The following HOOK1 variants were observed in gnomAD, a reference collection of about 807,000 sequenced individuals.
The protein encoded by HOOK1 is hook microtubule tethering protein 1.
Under a neutral mutation model 112.8 loss-of-function variants are expected in HOOK1, and 60 were observed. That is an observed-to-expected ratio of 0.53 (90% confidence interval 0.43 to 0.66). The LOEUF (loss-of-function observed/expected upper bound fraction) is 0.66, where lower values mean the gene tolerates loss of function less well. HOOK1 is among the 30% of genes least tolerant of loss of function. The probability of loss-of-function intolerance (pLI) is 0.00; values close to 1 mark genes in which losing one functional copy is unlikely to be tolerated. For missense variants in HOOK1, 770 were observed against 856.0 expected, an observed-to-expected ratio of 0.90 and a Z score of 1.25; for synonymous variants, 294 against 283.8, an observed-to-expected ratio of 1.04 and a Z score of -0.36.
At chr1:59,823,176 C>T (rs1418852998) in intron 2 of HOOK1, among the ~76,000 whole-genome samples, 2 of 152,054 alleles carry the variant, frequency 1.3e-5, no homozygotes, top group Non-Finnish European at 2.9e-5. Flanking sequence ...AAAAATTAGC[C>T]AGGCATGGTG....
At position 59,814,988 on chromosome 1, in the gene HOOK1, G is replaced by C. The variant is rs1008000421; in HGVS notation, c.-130G>C. 3 of 896,286 alleles carry C rather than the reference G, an allele frequency of 3.3e-6. No homozygotes were observed. Among genetic ancestry groups the C allele is most frequent in the African/African-American group, 1.7e-5 (1 of 58,654 alleles). 55.5% of individuals were successfully genotyped at this position (896,286 alleles called of 1,614,324 possible). A position where few individuals can be genotyped will look rare whatever the true frequency, so the allele number is the denominator to read the frequency against. ...GTCGACAGCGCGAGGGTTCGCGCGT[G>C]AGCTGCGCGGGTCGGGCCTGGTACC... On this transcript the variant is annotated 5_prime_UTR_variant, in exon 1 of 22. Coordinates refer to ENST00000371208, the MANE Select transcript of HOOK1 (RefSeq NM_015888.6).
At chr1:59,824,564 C>G (rs2098388472) in intron 2 of HOOK1, among the ~76,000 whole-genome samples, 1 of 152,118 alleles carries the variant, frequency 6.6e-6, no homozygotes, top group Admixed American at 6.5e-5. Context: ...GACATCGTGT[C>G]ACATCAAAAT....
At chr1:59,844,737 G>A (rs1008928715) in intron 9 of HOOK1, among the ~76,000 whole-genome samples, 6 of 151,694 alleles carry the variant, frequency 4.0e-5, no homozygotes, top group Non-Finnish European at 2.9e-5. Context: ...AATTTCACTC[G>A]GCAGTGCTGT....
chr1:59,871,566 TC>T, intron 21 of HOOK1, among the ~76,000 whole-genome samples: 1 of 152,280 alleles, frequency 6.6e-6, no homozygotes. Context: ...ATTTTTTTTA[TC>T]CAGGGGTTAC....
intron 12 of HOOK1, among the ~76,000 whole-genome samples, chr1:59,850,492 T>G (rs1029636099): frequency 1.3e-5 from 2 of 151,560 alleles, no homozygotes; most frequent in African/African-American, 2.4e-5. Context: ...TTTAAACAGT[T>G]TTATGGTTTT....
Position 59,846,423 on chromosome 1 carries a change from C to T in HOOK1, c.789-622C>T, listed in dbSNP as rs922227720. ...TTTAGATTTCTTTCTTTATACTTAA[C>T]TTTGGATTTAAATTTCTCTCCTTTT... On this transcript the variant is annotated intron_variant, in intron 9 of 21. Coordinates refer to ENST00000371208, the MANE Select transcript of HOOK1 (RefSeq NM_015888.6). Among the ~76,000 whole-genome samples, 3 of 151,662 alleles carry T rather than the reference C, an allele frequency of 2.0e-5. No individual in the cohort carries two copies. The South Asian group carries it at 6.2e-4, about 32-fold the overall frequency.
intron 1 of HOOK1, among the ~76,000 whole-genome samples, chr1:59,820,626 T>C (rs2098384927): frequency 6.6e-6 from 1 of 152,230 alleles, no homozygotes; most frequent in African/African-American, 2.4e-5. Context: ...TCAGAAATCA[T>C]CTCCGAGAAG....
rs546823245 is a variant in HOOK1 at position 59,867,755 on chromosome 1, A to G, written c.1846-495A>G. Among the ~76,000 whole-genome samples the G allele has an allele frequency of 1.7e-4, 26 of 152,284 alleles. No homozygotes were observed. The South Asian group carries it at 2.3e-3, about 13-fold the overall frequency. The stretch of plus-strand genomic sequence containing the variant: ...GCAAATAAAATCACCAGCATTTATT[A>G]TATTGATCTTATATATTGAATTACA... On this transcript the variant is annotated intron_variant, in intron 19 of 21. Coordinates refer to ENST00000371208, the MANE Select transcript of HOOK1 (RefSeq NM_015888.6).
chr1:59,864,879 A>G lies in HOOK1; in HGVS notation c.1661+213A>G, dbSNP rs1352716819. The G allele has an allele frequency of 2.4e-5, 13 of 546,574 alleles. No homozygotes were observed. In the East Asian group the frequency reaches 3.9e-4, roughly 16 times the overall value. The allele number at this position is 546,574 out of a possible 1,614,324, so 33.9% of individuals were successfully genotyped here. A position where few individuals can be genotyped will look rare whatever the true frequency, so the allele number is the denominator to read the frequency against. ...ATCTTTCCATTGTTAATATCATTTG[A>G]AAAGTTTAAAAAAACAGATTAACTA... On this transcript the variant is annotated intron_variant, in intron 17 of 21. Coordinates refer to ENST00000371208, the MANE Select transcript of HOOK1 (RefSeq NM_015888.6).
At chr1:59,839,080 A>G (rs1253282271) in intron 7 of HOOK1, among the ~76,000 whole-genome samples, 1 of 152,172 alleles carries the variant, frequency 6.6e-6, no homozygotes, top group South Asian at 2.1e-4. Context: ...TACCAGTACC[A>G]TGCTGTTTTT....
chr1:59,841,048 G>A (rs2098400786), intron 8 of HOOK1, among the ~76,000 whole-genome samples: 1 of 152,100 alleles, frequency 6.6e-6, no homozygotes, highest in East Asian at 1.9e-4. Flanking sequence ...GAGAAATGGA[G>A]TGATGATAGC....
At chr1:59,843,841 C>T (rs922010716) in intron 9 of HOOK1, among the ~76,000 whole-genome samples, 1 of 151,950 alleles carries the variant, frequency 6.6e-6, no homozygotes, top group Non-Finnish European at 1.5e-5. Context: ...AAATCAAGGC[C>T]ATAGGACAGC....
intron 12 of HOOK1, among the ~76,000 whole-genome samples, chr1:59,852,371 T>C (rs1397645502): frequency 6.6e-6 from 1 of 151,850 alleles, no homozygotes; most frequent in Non-Finnish European, 1.5e-5. Flanking sequence ...CTAGTGTTAC[T>C]AGTTTGTTTC....
At chr1:59,820,956 G>C (rs182394049) in intron 1 of HOOK1, among the ~76,000 whole-genome samples, 24 of 152,316 alleles carry the variant, frequency 1.6e-4, no homozygotes, top group Admixed American at 5.2e-4. Context: ...TGAATCTCCA[G>C]TTGCCAACTC....
intron 12 of HOOK1, among the ~76,000 whole-genome samples, chr1:59,852,991 C>T (rs1196278160): frequency 6.6e-6 from 1 of 151,908 alleles, no homozygotes. Flanking sequence ...AGAGGACATA[C>T]TTTGTGTGCA....
At chr1:59,861,326 T>G (rs1038891840) in intron 15 of HOOK1, among the ~76,000 whole-genome samples, 4 of 152,212 alleles carry the variant, frequency 2.6e-5, no homozygotes, top group African/African-American at 9.6e-5. Flanking sequence ...AGATAAGATC[T>G]AGATTGTGGA....
chr1:59,854,193 A>T (rs2098409300), intron 12 of HOOK1, among the ~76,000 whole-genome samples: 2 of 150,610 alleles, frequency 1.3e-5, no homozygotes, highest in African/African-American at 4.9e-5. Context: ...CTGGGATTAC[A>T]GGCGCATGCC....
Position 59,873,240 on chromosome 1 carries a change from A to G in HOOK1, c.*275A>G, listed in dbSNP as rs1644085889. ...ACATTTGTCTTTTGAGAGTATTATA[A>G]TTTCAAATTGGCCTTGTATATTTTA... On this transcript the variant is annotated 3_prime_UTR_variant, in exon 22 of 22. Coordinates refer to ENST00000371208, the MANE Select transcript of HOOK1 (RefSeq NM_015888.6). 3.9e-6 allele frequency: 1 copy of G among 253,216 alleles called. No individual in the cohort carries two copies. Among genetic ancestry groups the G allele is most frequent in the African/African-American group, 2.2e-5 (1 of 45,126 alleles). 15.7% of individuals were successfully genotyped at this position (253,216 alleles called of 1,614,324 possible).
chr1:59,846,592 T>TCCCTCCCTCCCTCCCTCCTC (rs374267510), intron 9 of HOOK1, among the ~76,000 whole-genome samples: 1 of 43,348 alleles, frequency 2.3e-5, no homozygotes, highest in Non-Finnish European at 4.1e-5. Context: ...CCTTCCTCCC[T>TCCCTCCCTCCCTCCCTCCTC]CCTCCCTCCC....
Sources: allele counts gnomAD v4.1 joint callset (sites outside exome capture counted in the v4.1 genomes callset), GRCh38; gene constraint gnomAD v4.1.1; transcripts MANE v1.5; gene names NCBI Gene and HGNC (gene_info 2026-07-23, HGNC 2026-07-21).